Variants in MRPL50 observed in about 807,000 individuals in gnomAD.
MRPL50 encodes the protein mitochondrial ribosomal protein L50, also known as large ribosomal subunit protein mL50.
A neutral mutation model predicts 16.2 loss-of-function variants in MRPL50; 10 were observed. That is an observed-to-expected ratio of 0.62 (90% CI 0.38 to 1.05). The LOEUF (loss-of-function observed/expected upper bound fraction) is 1.05, where lower values mean the gene tolerates loss of function less well. Among genes scored for constraint, MRPL50 ranks in the 50% least tolerant of loss-of-function variants. MRPL50 has a pLI of 0.01. For missense variants in MRPL50, 213 were observed against 187.1 expected, an observed-to-expected ratio of 1.14 and a Z score of -0.81; for synonymous variants, 68 against 66.8, an observed-to-expected ratio of 1.02 and a Z score of -0.09.
rs1448505297 is a variant in MRPL50 at position 101,397,781 on chromosome 9, G to A, written c.92+720C>T. ...TAAGAGAGCATACATTGCTCCCTAG[G>A]GTTCCTACCATACGTTTTGATTTCC... On this transcript the variant is annotated intron_variant, in intron 1 of 1. Coordinates refer to ENST00000374865, the MANE Select transcript of MRPL50 (RefSeq NM_019051.3). Among the ~76,000 whole-genome samples the A allele has an allele frequency of 2.0e-5, 3 of 152,126 alleles. No homozygotes were observed. In the South Asian group the frequency reaches 6.2e-4, roughly 31 times the overall value.
chr9:101,396,022 A>G (rs760308284), intron 1 of MRPL50, among the ~76,000 whole-genome samples: 1 of 152,242 alleles, frequency 6.6e-6, no homozygotes, highest in Non-Finnish European at 1.5e-5. Flanking sequence ...TACACATTGT[A>G]TGCTTGCATC....
At position 101,390,863 on chromosome 9, in the gene MRPL50, AAAAC is replaced by A. The variant is rs749287497; in HGVS notation, c.93-17_93-14del. ...CTCTTTCTCTTTTCTGGAATGATCA[AAAAC>A]AAACAGACAAATCCATTAATGAAGT... is the stretch of plus-strand genomic sequence containing the variant. On this transcript the variant is annotated splice_polypyrimidine_tract_variant and intron_variant, in intron 1 of 1. Transcript: ENST00000374865. 1.9e-6 allele frequency: 3 copies of A among 1,568,240 alleles called. No homozygotes were observed. Among genetic ancestry groups the A allele is most frequent in the South Asian group, 1.2e-5 (1 of 83,514 alleles).
rs753382884 is a variant in MRPL50, at chr9:101,388,964, T to C, written c.*1502A>G. On this transcript the variant is annotated 3_prime_UTR_variant, in exon 2 of 2. Coordinates refer to ENST00000374865, the MANE Select transcript of MRPL50 (RefSeq NM_019051.3). ...GCTATTTACATTGTATTCACAATTGTGAATACTATTTACATTCACAACTAT... is the reference window on the plus strand; with the variant it reads ...GCTATTTACATTGTATTCACAATTGCGAATACTATTTACATTCACAACTAT... 4 of 150,618 alleles carry C rather than the reference T, an allele frequency of 2.7e-5. No individual in the cohort carries two copies. The highest frequency in any genetic ancestry group is 5.9e-5 in the Non-Finnish European group (4 of 67,298). 9.3% of individuals were successfully genotyped at this position (150,618 alleles called of 1,614,324 possible).
In MRPL50 at chr9:101,390,589, G is replaced by A. The variant is rs1490118831; in HGVS notation, c.354C>T (p.His118=). ...LGHVVPNSRL[H]QMCRVRDVLD... Reference sequence around the variant, plus strand: ...GAACATCTCTAACCCTGCACATCTGGTGGAGTCTGGAGTTAGGGACTACAT... The same window carrying A: ...GAACATCTCTAACCCTGCACATCTGATGGAGTCTGGAGTTAGGGACTACAT... Residue 118 remains histidine (H), a synonymous_variant, in exon 2 of 2, where the codon CAC becomes CAT. Transcript: ENST00000374865. 4 of 1,613,558 alleles carry A rather than the reference G, an allele frequency of 2.5e-6. No homozygotes were observed. Among genetic ancestry groups the A allele is most frequent in the African/African-American group, 1.3e-5 (1 of 75,014 alleles).
Position 101,390,265 on chromosome 9 carries a change from A to T in MRPL50, c.*201T>A. ...CTAATTTCATTTAAAAAATGGTTTCAGCAAATATGAAAATAGAAAGTCCGT... is the reference window on the plus strand; with the variant it reads ...CTAATTTCATTTAAAAAATGGTTTCTGCAAATATGAAAATAGAAAGTCCGT... On this transcript the variant is annotated 3_prime_UTR_variant, in exon 2 of 2. Coordinates refer to ENST00000374865, the MANE Select transcript of MRPL50 (RefSeq NM_019051.3). The T allele has an allele frequency of 7.9e-7, 1 of 1,269,966 alleles. No homozygotes were observed. The allele number at this position is 1,269,966 out of a possible 1,614,324, so 78.7% of individuals were successfully genotyped here.
intron 1 of MRPL50, 38 bp downstream of exon 1, chr9:101,398,463 T>A: frequency 6.3e-7 from 1 of 1,577,194 alleles, no homozygotes; most frequent in South Asian, 1.1e-5. Flanking sequence ...TCCTTAACTT[T>A]CCTTGAACAT....
chr9:101,387,711 CTATTT>C lies in MRPL50; in HGVS notation c.*2750_*2754del, dbSNP rs1202051130. ...AAACCATTCTATTGAGTCTGAATCT[CTATTT>C]TATTAGCAGGCTTTATTTAAGCATA... On this transcript the variant is annotated 3_prime_UTR_variant, in exon 2 of 2. Transcript: ENST00000374865. 2.0e-5 allele frequency: 3 copies of C among 152,054 alleles called. No homozygotes were observed. The highest frequency in any genetic ancestry group is 3.9e-4 in the East Asian group (2 of 5,192). 9.4% of individuals were successfully genotyped at this position (152,054 alleles called of 1,614,324 possible). A position where few individuals can be genotyped will look rare whatever the true frequency, so the allele number is the denominator to read the frequency against.
intron 1 of MRPL50, among the ~76,000 whole-genome samples, chr9:101,395,377 A>T (rs970261139): frequency 6.6e-6 from 1 of 152,234 alleles, no homozygotes; most frequent in Non-Finnish European, 1.5e-5. Flanking sequence ...AAGAAATTAA[A>T]AATAAAATTA....
In MRPL50 at chr9:101,388,530, C is replaced by T. The variant is rs969200491; in HGVS notation, c.*1936G>A. The T allele has an allele frequency of 6.6e-6, 1 of 152,102 alleles. No individual in the cohort carries two copies. Among genetic ancestry groups the T allele is most frequent in the Non-Finnish European group, 1.5e-5 (1 of 67,996 alleles). The allele number at this position is 152,102 out of a possible 1,614,324, so 9.4% of individuals were successfully genotyped here. On this transcript the variant is annotated 3_prime_UTR_variant, in exon 2 of 2. Coordinates refer to ENST00000374865, the MANE Select transcript of MRPL50 (RefSeq NM_019051.3). ...ACAGCAGGCCTTCTGTATGTAAACC[C>T]TTTAAAATTACATCATATGTTTGAT...
At chr9:101,392,756 T>C (rs573343730) in intron 1 of MRPL50, among the ~76,000 whole-genome samples, 1 of 151,948 alleles carries the variant, frequency 6.6e-6, no homozygotes, top group East Asian at 1.9e-4. Context: ...TCCAAAACAC[T>C]GAAGAGGAGA....
chr9:101,398,310 A>G (rs2118156726), intron 1 of MRPL50, among the ~76,000 whole-genome samples, 191 bp downstream of exon 1: 1 of 152,320 alleles, frequency 6.6e-6, no homozygotes, highest in South Asian at 2.1e-4. Flanking sequence ...GAGAAAACTA[A>G]GGCCGAGAGT....
rs1588148085 is a variant in MRPL50, at chr9:101,389,378, G to A, written c.*1088C>T. On this transcript the variant is annotated 3_prime_UTR_variant, in exon 2 of 2. Coordinates refer to ENST00000374865, the MANE Select transcript of MRPL50 (RefSeq NM_019051.3). ...GACACCTGAAGTTCTTGAATGAAGT[G>A]CCTGTGGATGATATTTGTAGGGCAT... 7.1e-6 allele frequency: 7 copies of A among 987,098 alleles called. No individual in the cohort carries two copies. The highest frequency in any genetic ancestry group is 9.6e-6 in the Non-Finnish European group (7 of 728,240). 61.1% of individuals were successfully genotyped at this position (987,098 alleles called of 1,614,324 possible). A position where few individuals can be genotyped will look rare whatever the true frequency, so the allele number is the denominator to read the frequency against.
chr9:101,396,734 G>A (rs1363190726), intron 1 of MRPL50, among the ~76,000 whole-genome samples: 1 of 152,050 alleles, frequency 6.6e-6, no homozygotes. Flanking sequence ...ATGAGGTCAA[G>A]AGATCGAGAC....
chr9:101,393,990 CAAAAAAA>C (rs76598460), intron 1 of MRPL50, among the ~76,000 whole-genome samples: 1,090 of 66,502 alleles, frequency 0.016, 13 homozygotes, highest in African/African-American at 0.05. Flanking sequence ...TAATGCTAAG[CAAAAAAA>C]AAAAAAAAAA....
In MRPL50 at chr9:101,390,233, T is replaced by A. The variant is rs1830251534; in HGVS notation, c.*233A>T. On this transcript the variant is annotated 3_prime_UTR_variant, in exon 2 of 2. Coordinates refer to ENST00000374865, the MANE Select transcript of MRPL50 (RefSeq NM_019051.3). Reference sequence around the variant, plus strand: ...GTGCCCTCTCAAAACTTTTCATAAATAATGACCTAATTTCATTTAAAAAAT... The same window carrying A: ...GTGCCCTCTCAAAACTTTTCATAAAAAATGACCTAATTTCATTTAAAAAAT... 1.6e-6 allele frequency: 2 copies of A among 1,224,326 alleles called. No homozygotes were observed. The allele number at this position is 1,224,326 out of a possible 1,614,324, so 75.8% of individuals were successfully genotyped here. A position where few individuals can be genotyped will look rare whatever the true frequency, so the allele number is the denominator to read the frequency against.
chr9:101,393,255 C>T (rs1830296363), intron 1 of MRPL50, among the ~76,000 whole-genome samples: 2 of 151,986 alleles, frequency 1.3e-5, no homozygotes, highest in African/African-American at 4.8e-5. Flanking sequence ...GGACACAAAA[C>T]AAGCTAGCAT....
intron 1 of MRPL50, among the ~76,000 whole-genome samples, chr9:101,393,747 C>A (rs10989488): frequency 6.6e-6 from 1 of 151,562 alleles, no homozygotes; most frequent in African/African-American, 2.4e-5. Flanking sequence ...TAAAAGGTCT[C>A]TACAATAAAA....
In MRPL50 at chr9:101,389,761, A is replaced by G. The variant is rs1204961737; in HGVS notation, c.*705T>C. The G allele has an allele frequency of 9.3e-6, 2 of 214,010 alleles. No individual in the cohort carries two copies. Among genetic ancestry groups the G allele is most frequent in the African/African-American group, 4.7e-5 (2 of 42,306 alleles). 13.3% of individuals were successfully genotyped at this position (214,010 alleles called of 1,614,324 possible). On this transcript the variant is annotated 3_prime_UTR_variant, in exon 2 of 2. Transcript: ENST00000374865. ...TACTCAGCACCACTTTTTAAAAGTT[A>G]TAGAGAAAAAGGTTTAAAATAAGCA... is the stretch of plus-strand genomic sequence containing the variant.
In MRPL50 at chr9:101,398,573, G is replaced by A. The variant is rs1485967630; in HGVS notation, c.20C>T (p.Ser7Leu). 3.5e-5 allele frequency: 56 copies of A among 1,613,706 alleles called. No homozygotes were observed. The highest frequency in any genetic ancestry group is 1.1e-4 in the East Asian group (5 of 44,884). Residue 7 changes from serine to leucine, a missense_variant, in exon 1 of 2, where the codon TCG becomes TTG. Transcript: ENST00000374865. The stretch of plus-strand genomic sequence containing the variant: ...CATGAAGACTCTTCTGGTAATGCCC[G>A]ACACAGATCGCGCCGCCATCTTCGA... MAARSV[S>L]GITRRVFMWT... is the part of the protein sequence containing the mutation.
Sources: allele counts gnomAD v4.1 joint callset (sites outside exome capture counted in the v4.1 genomes callset), GRCh38; gene constraint gnomAD v4.1.1; transcripts MANE v1.5; gene names NCBI Gene and HGNC (gene_info 2026-07-23, HGNC 2026-07-21).